The following ACTN2 variants were observed in gnomAD, a reference collection of about 807,000 sequenced individuals.
ACTN2 encodes the protein alpha-actinin-2.
ACTN2 carries 39 observed loss-of-function variants against 113.8 expected under a neutral mutation model. That is an observed-to-expected ratio of 0.34 (90% CI 0.27 to 0.45). ACTN2 has a LOEUF of 0.45. ACTN2 is among the 20% of genes least tolerant of loss of function. The pLI is 1.00. For missense variants in ACTN2, 992 were observed against 1,177.9 expected (o/e 0.84, Z 2.31); for synonymous variants, 429 against 444.1 (o/e 0.97, Z 0.43).
At chr1:236,723,866 C>CT (rs1430386968) in intron 4 of ACTN2, among the ~76,000 whole-genome samples, 2 of 152,100 alleles carry the variant, frequency 1.3e-5, no homozygotes, top group African/African-American at 2.4e-5. Flanking sequence ...AATCGACATG[C>CT]TTTAGGGAAT....
chr1:236,720,627 T>C (rs1572115140), intron 4 of ACTN2, among the ~76,000 whole-genome samples: 1 of 152,188 alleles, frequency 6.6e-6, no homozygotes, highest in African/African-American at 2.4e-5. Context: ...TTTTTCTTCT[T>C]TTTCTTTTTA....
chr1:236,722,150 T>G (rs975487737), intron 4 of ACTN2, among the ~76,000 whole-genome samples: 1 of 152,200 alleles, frequency 6.6e-6, no homozygotes, highest in Non-Finnish European at 1.5e-5. Context: ...ATTTATATTT[T>G]TATTTGTTTT....
intron 1 of ACTN2, among the ~76,000 whole-genome samples, chr1:236,716,099 CTTTT>C (rs74259944): frequency 1.4e-4 from 16 of 118,126 alleles, no homozygotes; most frequent in Non-Finnish European, 1.6e-4. Context: ...CCTTCTTCTT[CTTTT>C]TTTTTTTTTT....
At chr1:236,697,475 C>T (rs944541228) in intron 1 of ACTN2, among the ~76,000 whole-genome samples, 2 of 152,146 alleles carry the variant, frequency 1.3e-5, no homozygotes, top group Admixed American at 6.5e-5. Context: ...ACCCAGAAGG[C>T]ACTAAAGTGA....
intron 7 of ACTN2, among the ~76,000 whole-genome samples, chr1:236,732,898 C>G (rs1037092479): frequency 3.4e-4 from 51 of 152,220 alleles, no homozygotes; most frequent in African/African-American, 1.2e-3. Flanking sequence ...TTCACTGTAT[C>G]TTTTTGGGAA....
At chr1:236,703,656 CTCTA>C (rs1439264369) in intron 1 of ACTN2, among the ~76,000 whole-genome samples, 10 of 150,656 alleles carry the variant, frequency 6.6e-5, no homozygotes, top group South Asian at 4.2e-4. Context: ...AGAGATAATG[CTCTA>C]TCTTTTTTTT....
chr1:236,705,991 C>A (rs994134541), intron 1 of ACTN2, among the ~76,000 whole-genome samples: 1 of 152,192 alleles, frequency 6.6e-6, no homozygotes, highest in Admixed American at 6.5e-5. Context: ...ATAAGACAAT[C>A]TTTTCAAGTG....
At chr1:236,755,631 A>AATAGAGT (rs775990886) in intron 17 of ACTN2, among the ~76,000 whole-genome samples, 1,487 of 148,166 alleles carry the variant, frequency 0.01, 30 homozygotes, top group East Asian at 0.077. Context: ...GAATCCTGAT[A>AATAGAGT]ATATACTGCA....
Position 236,755,066 on chromosome 1 carries a change from G to C in ACTN2, c.2022G>C (p.Gln674His). ...SIQITGALED[Q>H]MNQLKQYEHN... Reference sequence around the variant, plus strand: ...AGATCACAGGAGCCCTGGAAGACCAGATGAACCAGCTGAAGCAGTATGAGC... The same window carrying C: ...AGATCACAGGAGCCCTGGAAGACCACATGAACCAGCTGAAGCAGTATGAGC... Residue 674 changes from glutamine (Q) to histidine (H), a missense_variant, in exon 17 of 21, where the codon CAG becomes CAC. Around this residue, in one of 3 missense-constraint regions of ACTN2, gnomAD observed 736 missense variants for 815.4 expected, o/e 0.90. Transcript: ENST00000366578. 1 of 1,614,244 alleles carries C rather than the reference G, an allele frequency of 6.2e-7. No individual in the cohort carries two copies.
At chr1:236,750,067 G>A (rs937751187) in intron 14 of ACTN2, among the ~76,000 whole-genome samples, 1 of 152,074 alleles carries the variant, frequency 6.6e-6, no homozygotes, top group African/African-American at 2.4e-5. Context: ...GTTTTTTCTG[G>A]AACTTCAGAA....
chr1:236,719,074 G>A lies in ACTN2; in HGVS notation c.361+61G>A, dbSNP rs1658306150. ...TGACCTAATAGCGTAGGTGTGGGCTGCGACTTGAATTCTCCCCTTCTTCCC... is the reference window on the plus strand; with the variant it reads ...TGACCTAATAGCGTAGGTGTGGGCTACGACTTGAATTCTCCCCTTCTTCCC... On this transcript the variant is annotated intron_variant, in intron 3 of 20. Transcript: ENST00000366578. The A allele has an allele frequency of 3.1e-6, 5 of 1,609,034 alleles. No homozygotes were observed. In the East Asian group the frequency reaches 1.1e-4, roughly 36 times the overall value.
chr1:236,745,991 G>A (rs1243327697), intron 12 of ACTN2, among the ~76,000 whole-genome samples: 1 of 151,512 alleles, frequency 6.6e-6, no homozygotes, highest in Non-Finnish European at 1.5e-5. Context: ...GTGAAACCCC[G>A]TATCTACTAA....
chr1:236,752,912 A>G (rs1052896196), intron 15 of ACTN2, among the ~76,000 whole-genome samples: 1 of 152,230 alleles, frequency 6.6e-6, no homozygotes, highest in African/African-American at 2.4e-5. Context: ...GTTATAAAGC[A>G]AATGGATTTT....
intron 1 of ACTN2, 108 bp from the exon 2 acceptor site, chr1:236,717,750 C>T (rs1658264061): frequency 1.3e-6 from 1 of 787,598 alleles, no homozygotes; most frequent in Non-Finnish European, 2.2e-6. Context: ...CCAAGCAGCC[C>T]CAGCCTTGTA....
At chr1:236,701,434 T>A (rs1297935886) in intron 1 of ACTN2, among the ~76,000 whole-genome samples, 1 of 152,194 alleles carries the variant, frequency 6.6e-6, no homozygotes, top group Non-Finnish European at 1.5e-5. Flanking sequence ...ATAAATCTTT[T>A]AGAAGACCAA....
chr1:236,732,562 C>A (rs1037404635), intron 7 of ACTN2, among the ~76,000 whole-genome samples: 1 of 151,954 alleles, frequency 6.6e-6, no homozygotes, highest in African/African-American at 2.4e-5. Context: ...CTTGCCTCAG[C>A]CTCCTGAGTA....
In ACTN2 at chr1:236,709,548, T is replaced by C. The variant is rs114626317; in HGVS notation, c.127-8310T>C. On this transcript the variant is annotated intron_variant, in intron 1 of 20. Transcript: ENST00000366578. Reference sequence around the variant, plus strand: ...ACTGCCGCTGTAGCTGGGGCTTGCTTGTCCCACCCCACAGGATGCAGGTCG... The same window carrying C: ...ACTGCCGCTGTAGCTGGGGCTTGCTCGTCCCACCCCACAGGATGCAGGTCG... 6.8e-3 allele frequency among the ~76,000 whole-genome samples: 1,035 copies of C among 151,636 alleles called. 11 individuals are homozygous for C. Among genetic ancestry groups the C allele is most frequent in the African/African-American group, 0.024 (978 of 41,268 alleles).
chr1:236,708,258 C>G (rs916873070), intron 1 of ACTN2, among the ~76,000 whole-genome samples: 3 of 152,256 alleles, frequency 2.0e-5, no homozygotes, highest in Non-Finnish European at 1.5e-5. Flanking sequence ...GTTATGAGAA[C>G]ATTAAGGCCT....
At chr1:236,742,216 G>A (rs779542507) in intron 10 of ACTN2, among the ~76,000 whole-genome samples, 5 of 151,826 alleles carry the variant, frequency 3.3e-5, no homozygotes, top group South Asian at 2.1e-4. Context: ...TTTGTTTATC[G>A]CTTTCCGAAA....
Sources: allele counts gnomAD v4.1 joint callset (sites outside exome capture counted in the v4.1 genomes callset), GRCh38; gene constraint gnomAD v4.1.1; regional missense constraint gnomAD v4.1.1; transcripts MANE v1.5; gene names NCBI Gene and HGNC (gene_info 2026-07-23, HGNC 2026-07-21).